The following CNTNAP2 variants were observed in gnomAD, a reference collection of about 807,000 sequenced individuals.
The protein encoded by CNTNAP2 is contactin-associated protein-like 2.
In CNTNAP2, 98 loss-of-function variants were observed where a neutral mutation model predicts 155.2. That is an observed-to-expected ratio of 0.63 (90% confidence interval 0.54 to 0.75). The LOEUF is 0.75. Among genes scored for constraint, CNTNAP2 ranks in the 30% least tolerant of loss-of-function variants. The probability of loss-of-function intolerance (pLI) is 0.00; values close to 1 mark genes in which losing one functional copy is unlikely to be tolerated. For synonymous variants in CNTNAP2, 651 were observed against 631.2 expected (o/e 1.03, Z -0.47); for missense variants, 1,727 against 1,688.1 (o/e 1.02, Z -0.40).
At chr7:147,740,488 A>C (rs1029929710) in intron 13 of CNTNAP2, among the ~76,000 whole-genome samples, 1 of 152,114 alleles carries the variant, frequency 6.6e-6, no homozygotes, top group African/African-American at 2.4e-5. Flanking sequence ...ATAATCTTAT[A>C]AAAAAATTGT....
Position 148,202,029 on chromosome 7 carries a change from C to A in CNTNAP2, c.3011-15259C>A, listed in dbSNP as rs974360997. ...TCCTGAAGCAGGGGCCCTTGAGAAGCCTGTGCCTTTTAGGCTGTTTCTTTG... is the reference window on the plus strand; with the variant it reads ...TCCTGAAGCAGGGGCCCTTGAGAAGACTGTGCCTTTTAGGCTGTTTCTTTG... On this transcript the variant is annotated intron_variant, in intron 18 of 23. Transcript: ENST00000361727. 6.4e-4 allele frequency among the ~76,000 whole-genome samples: 97 copies of A among 151,924 alleles called. 2 individuals are homozygous for A. Among genetic ancestry groups the A allele is most frequent in the Admixed American group, 6.3e-3 (96 of 15,240 alleles).
chr7:146,448,123 A>G (rs982285138), intron 1 of CNTNAP2, among the ~76,000 whole-genome samples: 3 of 152,066 alleles, frequency 2.0e-5, no homozygotes, highest in African/African-American at 7.2e-5. Context: ...GGTTAATGCT[A>G]CCAACACCAA....
chr7:146,476,780 C>T (rs1381662230), intron 1 of CNTNAP2, among the ~76,000 whole-genome samples: 3 of 152,198 alleles, frequency 2.0e-5, no homozygotes, highest in South Asian at 4.2e-4. Context: ...TGAATACATC[C>T]TATTCAGTAC....
chr7:146,131,811 G>C (rs1563133798), intron 1 of CNTNAP2, among the ~76,000 whole-genome samples: 1 of 152,062 alleles, frequency 6.6e-6, no homozygotes, highest in Non-Finnish European at 1.5e-5. Context: ...CGTGTCGAGG[G>C]AGGGAGGTAA....
chr7:146,611,709 C>T (rs186369775), intron 1 of CNTNAP2, among the ~76,000 whole-genome samples: 70 of 152,242 alleles, frequency 4.6e-4, no homozygotes, highest in African/African-American at 1.7e-3. Flanking sequence ...CTTATTAAAA[C>T]TCTGCAAGGG....
rs201593642 is a variant in CNTNAP2 at position 148,409,575 on chromosome 7, CATT to C, written c.3796+108_3796+110del. 1.0e-3 allele frequency: 948 copies of C among 931,484 alleles called. 7 individuals are homozygous for C. In the African/African-American group the frequency reaches 0.014, roughly 14 times the overall value. The allele number at this position is 931,484 out of a possible 1,614,324, so 57.7% of individuals were successfully genotyped here. A position where few individuals can be genotyped will look rare whatever the true frequency, so the allele number is the denominator to read the frequency against. ...GGAAAAAAAGTTTTCTAGGTTTTTA[CATT>C]ATTCATTTTGCTGTTTAAAGATTAT... On this transcript the variant is annotated intron_variant, in intron 23 of 23. Coordinates refer to ENST00000361727, the MANE Select transcript of CNTNAP2 (RefSeq NM_014141.6).
chr7:147,968,790 A>G (rs544250578), intron 14 of CNTNAP2, among the ~76,000 whole-genome samples: 5 of 152,226 alleles, frequency 3.3e-5, no homozygotes, highest in African/African-American at 1.2e-4. Flanking sequence ...CAGAGATTTG[A>G]TTTCTAGAAT....
At chr7:146,859,323 A>G (rs1795051783) in intron 3 of CNTNAP2, among the ~76,000 whole-genome samples, 1 of 152,184 alleles carries the variant, frequency 6.6e-6, no homozygotes, top group African/African-American at 2.4e-5. Context: ...TAGTTATTGA[A>G]GGAGCTGCAT....
intron 1 of CNTNAP2, among the ~76,000 whole-genome samples, chr7:146,164,775 A>T (rs561685287): frequency 6.6e-6 from 1 of 152,096 alleles, no homozygotes; most frequent in South Asian, 2.1e-4. Context: ...TGCGTCATAC[A>T]TTTTAAACGC....
At chr7:146,600,017 A>C (rs1226413125) in intron 1 of CNTNAP2, among the ~76,000 whole-genome samples, 1 of 152,150 alleles carries the variant, frequency 6.6e-6, no homozygotes, top group Non-Finnish European at 1.5e-5. Flanking sequence ...AACATACTTA[A>C]GGGTTAGTCT....
intron 1 of CNTNAP2, among the ~76,000 whole-genome samples, chr7:146,527,454 G>C (rs1236299870): frequency 6.6e-6 from 1 of 152,142 alleles, no homozygotes; most frequent in Non-Finnish European, 1.5e-5. Flanking sequence ...GCATGAGACA[G>C]CAAGGCAAGG....
At chr7:146,444,987 T>C (rs1368925626) in intron 1 of CNTNAP2, among the ~76,000 whole-genome samples, 1 of 151,652 alleles carries the variant, frequency 6.6e-6, no homozygotes, top group African/African-American at 2.4e-5. Flanking sequence ...CCATGGATTC[T>C]AAGTGTGTTC....
chr7:147,609,670 ACTTTC>A (rs1335879826), intron 12 of CNTNAP2, among the ~76,000 whole-genome samples: 3 of 152,050 alleles, frequency 2.0e-5, no homozygotes, highest in East Asian at 3.9e-4. Context: ...GGGTGGGAAG[ACTTTC>A]CTTTATCCTC....
intron 14 of CNTNAP2, among the ~76,000 whole-genome samples, chr7:147,961,649 C>T (rs902093872): frequency 3.6e-4 from 55 of 152,118 alleles, no homozygotes; most frequent in African/African-American, 1.1e-3. Context: ...CCACTGCTTT[C>T]GCCAGCTTGA....
chr7:147,868,816 A>G (rs750157981), intron 13 of CNTNAP2, among the ~76,000 whole-genome samples: 19 of 152,246 alleles, frequency 1.2e-4, no homozygotes, highest in Admixed American at 7.2e-4. Context: ...CCGGTTGCTA[A>G]GACCTTGGGA....
chr7:147,598,321 G>A (rs1333890896), intron 12 of CNTNAP2, among the ~76,000 whole-genome samples: 1 of 152,040 alleles, frequency 6.6e-6, no homozygotes, highest in Non-Finnish European at 1.5e-5. Flanking sequence ...TCCTAATGCT[G>A]TCTCTCCCCT....
intron 12 of CNTNAP2, among the ~76,000 whole-genome samples, chr7:147,583,871 TCA>T (rs1239844108): frequency 6.6e-6 from 1 of 152,104 alleles, no homozygotes; most frequent in Non-Finnish European, 1.5e-5. Context: ...CGGTAGCATC[TCA>T]CAATCTCTAT....
At chr7:146,509,555 GA>G (rs1253087269) in intron 1 of CNTNAP2, among the ~76,000 whole-genome samples, 16 of 152,134 alleles carry the variant, frequency 1.1e-4, no homozygotes, top group Admixed American at 1.0e-3. Flanking sequence ...GGGCCTCAAT[GA>G]CTTCCTGGTG....
At chr7:146,173,305 C>T (rs1481078828) in intron 1 of CNTNAP2, among the ~76,000 whole-genome samples, 2 of 151,948 alleles carry the variant, frequency 1.3e-5, no homozygotes, top group East Asian at 3.9e-4. Context: ...TTGAAGTTTA[C>T]AATAGTGTAC....
Sources: allele counts gnomAD v4.1 joint callset (sites outside exome capture counted in the v4.1 genomes callset), GRCh38; gene constraint gnomAD v4.1.1; transcripts MANE v1.5; gene names NCBI Gene and HGNC (gene_info 2026-07-23, HGNC 2026-07-21).